The following KATNIP variants were observed in gnomAD, a reference collection of about 807,000 sequenced individuals.
KATNIP encodes katanin interacting protein.
A neutral mutation model predicts 174.0 loss-of-function variants in KATNIP; 126 were observed. That is an observed-to-expected ratio of 0.72 (90% CI 0.63 to 0.84). The LOEUF is 0.84. Ranked by LOEUF, KATNIP falls within the 40% of genes least tolerant of loss-of-function variation. The pLI is 0.00. For synonymous variants in KATNIP, 810 were observed against 835.7 expected, an observed-to-expected ratio of 0.97 and a Z score of 0.53; for missense variants, 1,958 against 2,109.7, an observed-to-expected ratio of 0.93 and a Z score of 1.41.
At chr16:27,713,096 C>T (rs112153088) in intron 13 of KATNIP, among the ~76,000 whole-genome samples, 1 of 152,276 alleles carries the variant, frequency 6.6e-6, no homozygotes, top group East Asian at 1.9e-4. Flanking sequence ...GCATCAGCCA[C>T]CATACCCAGC....
At chr16:27,620,106 C>T (rs904383882) in intron 3 of KATNIP, among the ~76,000 whole-genome samples, 7 of 151,986 alleles carry the variant, frequency 4.6e-5, no homozygotes, top group African/African-American at 1.7e-4. Flanking sequence ...AGGCACTGGC[C>T]AATAGTATAA....
intron 6 of KATNIP, among the ~76,000 whole-genome samples, chr16:27,658,503 T>C (rs1388831880): frequency 1.3e-5 from 2 of 152,082 alleles, no homozygotes; most frequent in Admixed American, 1.3e-4. Context: ...TTTTAAAAAA[T>C]CAAAATTAAA....
rs189698151 is a variant in KATNIP at position 27,553,630 on chromosome 16, C to T, written c.7+3453C>T. On this transcript the variant is annotated intron_variant, in intron 1 of 27. Transcript: ENST00000261588. Reference sequence around the variant, plus strand: ...AGAAATTCAAGACCAGCTTCGTCAACATAGTGAGACTCCATCTCTACTAAA... The same window carrying T: ...AGAAATTCAAGACCAGCTTCGTCAATATAGTGAGACTCCATCTCTACTAAA... Among the ~76,000 whole-genome samples, 1,511 of 152,196 alleles carry T rather than the reference C, an allele frequency of 9.9e-3. 17 individuals are homozygous for T. The highest frequency in any genetic ancestry group is 0.015 in the Non-Finnish European group (1,009 of 68,004).
chr16:27,651,585 A>G (rs1322780819), intron 6 of KATNIP, among the ~76,000 whole-genome samples: 1 of 152,194 alleles, frequency 6.6e-6, no homozygotes, highest in Non-Finnish European at 1.5e-5. Flanking sequence ...GCCTTTAATC[A>G]CATCTTCCGT....
intron 21 of KATNIP, among the ~76,000 whole-genome samples, chr16:27,770,657 C>T (rs1004018052): frequency 6.6e-6 from 1 of 152,216 alleles, no homozygotes; most frequent in Non-Finnish European, 1.5e-5. Context: ...GCACTGACAG[C>T]GGACCAGGGA....
At position 27,658,302 on chromosome 16, in the gene KATNIP, A is replaced by T. The variant is rs115104335; in HGVS notation, c.540+9567A>T. ...GAATCGCTTAGGATATTTGTTTAAGACGCATTTTTTAGGTCTGAACTTTTA... is the reference window on the plus strand; with the variant it reads ...GAATCGCTTAGGATATTTGTTTAAGTCGCATTTTTTAGGTCTGAACTTTTA... On this transcript the variant is annotated intron_variant, in intron 6 of 27. Transcript: ENST00000261588. Among the ~76,000 whole-genome samples, 211 of 152,320 alleles carry T rather than the reference A, an allele frequency of 1.4e-3. 2 individuals carry two copies. The highest frequency in any genetic ancestry group is 4.7e-3 in the African/African-American group (194 of 41,574).
chr16:27,694,151 G>A (rs1166016996), intron 8 of KATNIP, among the ~76,000 whole-genome samples: 1 of 152,146 alleles, frequency 6.6e-6, no homozygotes, highest in Non-Finnish European at 1.5e-5. Flanking sequence ...CATCAGCCCA[G>A]TGCCTGGCTG....
chr16:27,647,508 A>T (rs1597050957), intron 5 of KATNIP, among the ~76,000 whole-genome samples: 2 of 140,828 alleles, frequency 1.4e-5, no homozygotes. Flanking sequence ...CACCTGGCTA[A>T]TTTTTTTTTT....
intron 8 of KATNIP, among the ~76,000 whole-genome samples, chr16:27,682,211 A>G (rs1195637157): frequency 6.6e-6 from 1 of 152,254 alleles, no homozygotes; most frequent in Non-Finnish European, 1.5e-5. Context: ...AGCTTTGTCT[A>G]TGTTCTAATG....
rs2144301688 is a variant in KATNIP at position 27,776,968 on chromosome 16, T to G, written c.4490T>G (p.Val1497Gly). The change falls in exon 25 of 28, where the codon GTG becomes GGG. Residue 1497 changes from valine (V) to glycine (G), a missense_variant. Coordinates refer to ENST00000261588, the MANE Select transcript of KATNIP (RefSeq NM_015202.5). This position sits in a 1 kb window ranked among gnomAD's most constrained non-coding sequence, Gnocchi z 4.7. Reference sequence around the variant, plus strand: ...GTGATTTTCGATCTGCCTACCACCGTGTCAATGATCAAACTGTGGAATTAT... The same window carrying G: ...GTGATTTTCGATCTGCCTACCACCGGGTCAATGATCAAACTGTGGAATTAT... ...VYVIFDLPTT[V>G]SMIKLWNYAK... The G allele has an allele frequency of 6.2e-7, 1 of 1,614,020 alleles. No homozygotes were observed. The highest frequency in any genetic ancestry group is 2.2e-5 in the East Asian group (1 of 44,884).
At chr16:27,610,510 C>T (rs967873161) in intron 2 of KATNIP, among the ~76,000 whole-genome samples, 1 of 152,108 alleles carries the variant, frequency 6.6e-6, no homozygotes, top group African/African-American at 2.4e-5. Context: ...TGGACTCTTC[C>T]AAGAACACCC....
chr16:27,626,271 C>T (rs2076331324), intron 3 of KATNIP, among the ~76,000 whole-genome samples: 1 of 150,206 alleles, frequency 6.7e-6, no homozygotes, highest in African/African-American at 2.5e-5. Flanking sequence ...TGTGTAATAG[C>T]AGCTTCCACT....
chr16:27,560,764 G>T (rs548199846), intron 1 of KATNIP, among the ~76,000 whole-genome samples: 48 of 152,304 alleles, frequency 3.2e-4, no homozygotes, highest in African/African-American at 1.0e-3. Context: ...CGAGCTCTAT[G>T]CTTTTCTCCC....
intron 15 of KATNIP, among the ~76,000 whole-genome samples, chr16:27,748,196 C>T (rs1376928141): frequency 2.6e-5 from 4 of 152,202 alleles, no homozygotes; most frequent in African/African-American, 4.8e-5. Context: ...AGTCTGGGAC[C>T]GTGTTCTCCA....
chr16:27,778,733 A>G lies in KATNIP; in HGVS notation c.*104A>G, dbSNP rs1457118641. ...CCTCAGTCCCAGGAGCTGGAAGCGA[A>G]CCACAGTGTTGAGGGGAGCCCGCTG... On this transcript the variant is annotated 3_prime_UTR_variant, in exon 28 of 28. Transcript: ENST00000261588. The G allele has an allele frequency of 8.2e-7, 1 of 1,212,444 alleles. No homozygotes were observed. The highest frequency in any genetic ancestry group is 1.5e-5 in the African/African-American group (1 of 65,984). The allele number at this position is 1,212,444 out of a possible 1,614,324, so 75.1% of individuals were successfully genotyped here.
intron 2 of KATNIP, among the ~76,000 whole-genome samples, chr16:27,591,877 C>G (rs1007307569): frequency 1.3e-5 from 2 of 152,198 alleles, no homozygotes; most frequent in Non-Finnish European, 2.9e-5. Flanking sequence ...CCCAATGCCT[C>G]CCCTTGTAGA....
intron 14 of KATNIP, among the ~76,000 whole-genome samples, chr16:27,733,050 G>A (rs1324592378): frequency 6.6e-6 from 1 of 152,194 alleles, no homozygotes. Flanking sequence ...CTTGGCATGT[G>A]GTTTTTGGGC....
At chr16:27,720,605 T>G (rs1384554594) in intron 13 of KATNIP, among the ~76,000 whole-genome samples, 4 of 147,274 alleles carry the variant, frequency 2.7e-5, no homozygotes, top group Non-Finnish European at 5.9e-5. Flanking sequence ...CACGGCTGAA[T>G]GGGGGCCTGA....
chr16:27,565,523 C>T (rs545675251), intron 1 of KATNIP, among the ~76,000 whole-genome samples: 5 of 151,520 alleles, frequency 3.3e-5, no homozygotes, highest in Admixed American at 6.6e-5. Context: ...TGCTGCTTCA[C>T]GCCTGTAATA....
Sources: allele counts gnomAD v4.1 joint callset (sites outside exome capture counted in the v4.1 genomes callset), GRCh38; gene constraint gnomAD v4.1.1; non-coding constraint Gnocchi (gnomAD v3.1); transcripts MANE v1.5; gene names NCBI Gene and HGNC (gene_info 2026-07-23, HGNC 2026-07-21).